The following NRP2 variants were observed in gnomAD, a reference collection of about 807,000 sequenced individuals.
NRP2 encodes the protein neuropilin-2.
NRP2 carries 52 observed loss-of-function variants against 110.4 expected under a neutral mutation model. That is an observed-to-expected ratio of 0.47 (90% CI 0.38 to 0.59). The LOEUF is 0.59. NRP2 is among the 20% of genes least tolerant of loss of function. The pLI is 0.00. For synonymous variants in NRP2, 508 were observed against 468.9 expected, an observed-to-expected ratio of 1.08 and a Z score of -1.08; for missense variants, 1,049 against 1,203.0, an observed-to-expected ratio of 0.87 and a Z score of 1.89.
intron 2 of NRP2, among the ~76,000 whole-genome samples, chr2:205,704,510 CAGGT>C (rs1009360802): frequency 2.0e-5 from 3 of 152,214 alleles, no homozygotes; most frequent in Non-Finnish European, 4.4e-5. Context: ...GATCCACCTC[CAGGT>C]ACGTGGTGGA....
intron 2 of NRP2, among the ~76,000 whole-genome samples, chr2:205,710,905 CA>C (rs1383275850): frequency 6.6e-6 from 1 of 152,206 alleles, no homozygotes; most frequent in African/African-American, 2.4e-5. Flanking sequence ...AGAAAAATCT[CA>C]AATCACTTTG....
In NRP2 at chr2:205,725,923, C is replaced by T; in HGVS notation, c.831C>T (p.Cys277=). The change falls in exon 6 of 17, where the codon TGC becomes TGT. Residue 277 remains cysteine, a synonymous_variant. Transcript: ENST00000357785. The surrounding 1 kb of genome is among the most constrained non-coding windows in gnomAD (Gnocchi z 4.1). The stretch of plus-strand genomic sequence containing the variant: ...GTCTGCTTTCCCCAGACTTTCAGTG[C>T]AATGTTCCTCTGGGCATGGAGTCTG... ...VHQEPLENFQ[C]NVPLGMESGR... 6.2e-7 allele frequency: 1 copy of T among 1,614,144 alleles called. No individual in the cohort carries two copies. Among genetic ancestry groups the T allele is most frequent in the Non-Finnish European group, 8.5e-7 (1 of 1,180,014 alleles).
At chr2:205,778,681 T>A (rs1204706882) in intron 15 of NRP2, 1 of 152,204 alleles carries the variant, frequency 6.6e-6, no homozygotes, top group Admixed American at 6.5e-5. Context: ...ATACAGCCAG[T>A]GTAGTGACCA....
intron 12 of NRP2, among the ~76,000 whole-genome samples, chr2:205,757,999 C>G (rs1045508669): frequency 6.6e-6 from 1 of 151,832 alleles, no homozygotes; most frequent in African/African-American, 2.4e-5. Flanking sequence ...ATGGCAAAAC[C>G]TTCATGAAAG....
chr2:205,756,912 T>G (rs2057743515), intron 12 of NRP2: 1 of 152,210 alleles, frequency 6.6e-6, no homozygotes, highest in Admixed American at 6.5e-5. Flanking sequence ...AAGAGCATTG[T>G]AAGTAAATAT....
chr2:205,759,999 G>T (rs899314330), intron 12 of NRP2, among the ~76,000 whole-genome samples: 4 of 152,234 alleles, frequency 2.6e-5, no homozygotes, highest in African/African-American at 9.6e-5. Flanking sequence ...GAGAAGCTAT[G>T]CTGTGGCAGG....
In NRP2 at chr2:205,752,845, G is replaced by A. The variant is rs775808809; in HGVS notation, c.1914G>A (p.Leu638=). ...ENCSFEDDKD[L]QLPSGFNCNF... ...GTTTTCCCCTTTTAGACAAAGATTTGCAGCTCCCTTCGGGATTCAATTGCA... is the reference window on the plus strand; with the variant it reads ...GTTTTCCCCTTTTAGACAAAGATTTACAGCTCCCTTCGGGATTCAATTGCA... Residue 638 remains leucine (L), a synonymous_variant, in exon 12 of 17, where the codon TTG becomes TTA. Coordinates refer to ENST00000357785, the MANE Select transcript of NRP2 (RefSeq NM_003872.3). The A allele has an allele frequency of 1.9e-6, 3 of 1,614,126 alleles. No homozygotes were observed. Among genetic ancestry groups the A allele is most frequent in the East Asian group, 2.2e-5 (1 of 44,882 alleles).
At chr2:205,783,059 C>T (rs1430482339) in intron 15 of NRP2, among the ~76,000 whole-genome samples, 1 of 152,172 alleles carries the variant, frequency 6.6e-6, no homozygotes, top group Non-Finnish European at 1.5e-5. Flanking sequence ...AGTGGACGTC[C>T]TGGCTGTAGA....
rs767624307 is a variant in NRP2 at position 205,716,382 on chromosome 2, T to C, written c.433+8T>C. On this transcript the variant is annotated splice_region_variant and intron_variant, in intron 3 of 16. Coordinates refer to ENST00000357785, the MANE Select transcript of NRP2 (RefSeq NM_003872.3). The stretch of plus-strand genomic sequence containing the variant: ...ACGAGATCTTCAAGACAGGTCAGTG[T>C]GGTCACACGTAGGGGCCGGGAGATG... The C allele has an allele frequency of 6.2e-7, 1 of 1,613,016 alleles. No individual in the cohort carries two copies.
chr2:205,791,864 T>C (rs913542850), intron 15 of NRP2, among the ~76,000 whole-genome samples: 1 of 152,238 alleles, frequency 6.6e-6, no homozygotes, highest in African/African-American at 2.4e-5. Context: ...AGGTGCAGCA[T>C]GATACACTAA....
intron 2 of NRP2, 63 bp downstream of exon 2, chr2:205,697,784 C>A: frequency 6.7e-7 from 1 of 1,493,660 alleles, no homozygotes; most frequent in Non-Finnish European, 9.3e-7. Flanking sequence ...TGCCCCCACC[C>A]CTGCTCTTGT....
intron 1 of NRP2, among the ~76,000 whole-genome samples, chr2:205,693,679 G>A (rs2056361400): frequency 6.6e-6 from 1 of 152,190 alleles, no homozygotes; most frequent in African/African-American, 2.4e-5. Flanking sequence ...TTCTGCTAAT[G>A]TCGATCCCTC....
At chr2:205,710,310 T>A (rs2056770439) in intron 2 of NRP2, among the ~76,000 whole-genome samples, 1 of 152,240 alleles carries the variant, frequency 6.6e-6, no homozygotes, top group African/African-American at 2.4e-5. Context: ...CCTCCTCATG[T>A]AACCTTGGGC....
At chr2:205,776,150 C>T in intron 15 of NRP2, 2 of 1,253,992 alleles carry the variant, frequency 1.6e-6, no homozygotes, top group South Asian at 1.2e-5. Flanking sequence ...CTGTATGTCC[C>T]AAAGCATGTG....
chr2:205,732,042 C>T (rs2057250646), intron 7 of NRP2, among the ~76,000 whole-genome samples: 1 of 152,204 alleles, frequency 6.6e-6, no homozygotes, highest in African/African-American at 2.4e-5. Flanking sequence ...CTGGCGCTCT[C>T]CACAATCCGC....
chr2:205,748,530 A>G (rs2057582203), intron 10 of NRP2, among the ~76,000 whole-genome samples: 1 of 152,256 alleles, frequency 6.6e-6, no homozygotes. Flanking sequence ...GAAGTATGAA[A>G]GGTTATGTGC....
chr2:205,763,760 C>T lies in NRP2; in HGVS notation c.2131C>T (p.Arg711Ter). 1.2e-6 allele frequency: 2 copies of T among 1,614,214 alleles called. No individual in the cohort carries two copies. Among genetic ancestry groups the T allele is most frequent in the Non-Finnish European group, 1.7e-6 (2 of 1,180,036 alleles). ...RLISPPVHLP[R>*]SPVCMEFQYQ... ...CATCAGCCCCCCTGTCCACCTGCCC[C>T]GAAGCCCGGTGTGCATGGAGTTCCA... The change falls in exon 13 of 17, where the codon CGA becomes TGA. Residue 711 changes from arginine (R) to a stop codon, truncating the protein, a stop_gained. Coordinates refer to ENST00000357785, the MANE Select transcript of NRP2 (RefSeq NM_003872.3). LOFTEE classifies it high-confidence loss of function. This position sits in a 1 kb window ranked among gnomAD's most constrained non-coding sequence, Gnocchi z 4.0.
chr2:205,790,322 T>C (rs969962348), intron 15 of NRP2, among the ~76,000 whole-genome samples: 2 of 152,226 alleles, frequency 1.3e-5, no homozygotes, highest in African/African-American at 4.8e-5. Context: ...CATTTTACCC[T>C]TTTTCCTTTA....
intron 2 of NRP2, among the ~76,000 whole-genome samples, chr2:205,700,442 C>T (rs1422810793): frequency 6.6e-6 from 1 of 152,222 alleles, no homozygotes; most frequent in Non-Finnish European, 1.5e-5. Flanking sequence ...GCAGCCAACT[C>T]AGCTGTGGAG....
Sources: gnomAD v4.1 joint callset for allele counts (sites outside exome capture counted in the v4.1 genomes callset) on GRCh38, gnomAD v4.1.1 for gene constraint, Gnocchi (gnomAD v3.1) non-coding constraint, MANE v1.5 for transcripts, NCBI Gene and HGNC (gene_info 2026-07-23, HGNC 2026-07-21) for gene names.